Variants in CDKAL1 observed in about 807,000 individuals in gnomAD.
CDKAL1 encodes the protein threonylcarbamoyladenosine tRNA methylthiotransferase.
In CDKAL1, 32 loss-of-function variants were observed where a neutral mutation model predicts 68.2. The ratio of observed to expected loss-of-function variants is 0.47; its 90% CI spans 0.35 to 0.63. The LOEUF (loss-of-function observed/expected upper bound fraction) is 0.63. Among genes scored for constraint, CDKAL1 ranks in the 30% least tolerant of loss-of-function variants. CDKAL1 has a pLI of 0.00. For missense variants in CDKAL1, 606 were observed against 696.7 expected (o/e 0.87, Z 1.47); for synonymous variants, 234 against 244.3 (o/e 0.96, Z 0.39).
At chr6:21,152,125 T>C (rs998700756) in intron 13 of CDKAL1, among the ~76,000 whole-genome samples, 2 of 152,258 alleles carry the variant, frequency 1.3e-5, no homozygotes, top group South Asian at 2.1e-4. Context: ...CAAATAATTA[T>C]GTGCTTCATT....
intron 4 of CDKAL1, among the ~76,000 whole-genome samples, chr6:20,639,287 A>T (rs1373749556): frequency 3.9e-5 from 6 of 152,118 alleles, no homozygotes; most frequent in African/African-American, 1.4e-4. Flanking sequence ...TATATAAGTA[A>T]TCTCCGAGAA....
chr6:21,167,006 GT>G (rs1273870204), intron 13 of CDKAL1, among the ~76,000 whole-genome samples: 2 of 152,206 alleles, frequency 1.3e-5, no homozygotes, highest in African/African-American at 4.8e-5. Context: ...GGGAGCCTCA[GT>G]TTCCTTATCT....
At chr6:20,990,450 C>T (rs188246088) in intron 10 of CDKAL1, among the ~76,000 whole-genome samples, 10 of 152,230 alleles carry the variant, frequency 6.6e-5, no homozygotes, top group South Asian at 2.1e-4. Context: ...TTTCTGTGAA[C>T]GCTAATTACA....
chr6:20,862,668 CGTGCAT>C (rs1174355022), intron 9 of CDKAL1, among the ~76,000 whole-genome samples: 8 of 148,692 alleles, frequency 5.4e-5, no homozygotes, highest in Non-Finnish European at 8.9e-5. Context: ...TGTGTGCGCG[CGTGCAT>C]GCGCGCGTGC....
chr6:20,639,540 C>T (rs970778234), intron 4 of CDKAL1, among the ~76,000 whole-genome samples: 3 of 152,166 alleles, frequency 2.0e-5, no homozygotes, highest in African/African-American at 7.2e-5. Flanking sequence ...TCATGAATCA[C>T]TTTTATTCTT....
intron 9 of CDKAL1, among the ~76,000 whole-genome samples, chr6:20,874,718 G>A (rs1760408250): frequency 6.6e-6 from 1 of 151,836 alleles, no homozygotes; most frequent in Admixed American, 6.6e-5. Context: ...GGTCAGGCTG[G>A]TCTCGAACTC....
intron 11 of CDKAL1, among the ~76,000 whole-genome samples, chr6:21,047,372 C>A (rs902119151): frequency 6.6e-6 from 1 of 152,146 alleles, no homozygotes; most frequent in African/African-American, 2.4e-5. Context: ...ATTTACAAAG[C>A]CTTGTGAATC....
At chr6:21,094,161 A>G (rs1773201986) in intron 12 of CDKAL1, among the ~76,000 whole-genome samples, 1 of 152,192 alleles carries the variant, frequency 6.6e-6, no homozygotes, top group Non-Finnish European at 1.5e-5. Context: ...GGTAAGAAAT[A>G]TATACATAAA....
At chr6:20,718,598 T>C (rs1017805942) in intron 5 of CDKAL1, among the ~76,000 whole-genome samples, 1 of 152,208 alleles carries the variant, frequency 6.6e-6, no homozygotes, top group African/African-American at 2.4e-5. Context: ...TTCTTCTAAC[T>C]TTTTAAAACC....
intron 8 of CDKAL1, among the ~76,000 whole-genome samples, chr6:20,819,012 C>G (rs936130301): frequency 6.6e-6 from 1 of 152,002 alleles, no homozygotes; most frequent in African/African-American, 2.4e-5. Context: ...TAAAATAAAA[C>G]AATCATTTTG....
Position 21,113,829 on chromosome 6 carries a change from A to G in CDKAL1, c.1299+5366A>G, listed in dbSNP as rs1185250726. ...GTGCTGTGTGCCTGTAGTCCCAGGT[A>G]CTTGAGAGGCTGATGCAGGAGGATC... is the stretch of plus-strand genomic sequence containing the variant. On this transcript the variant is annotated intron_variant, in intron 13 of 15. Coordinates refer to ENST00000274695, the MANE Select transcript of CDKAL1 (RefSeq NM_017774.3). Among the ~76,000 whole-genome samples the G allele has an allele frequency of 4.0e-5, 6 of 151,884 alleles. No individual in the cohort carries two copies. The East Asian group carries it at 9.7e-4, about 25-fold the overall frequency.
intron 5 of CDKAL1, among the ~76,000 whole-genome samples, chr6:20,693,696 C>T (rs960157665): frequency 1.3e-5 from 2 of 152,156 alleles, no homozygotes; most frequent in African/African-American, 4.8e-5. Context: ...ATACTTTTGC[C>T]TTTCCTTGTC....
intron 12 of CDKAL1, among the ~76,000 whole-genome samples, chr6:21,069,214 G>C (rs1771619404): frequency 6.6e-6 from 1 of 151,948 alleles, no homozygotes; most frequent in Admixed American, 6.6e-5. Flanking sequence ...GAGTAGAATT[G>C]GGCATCTTTC....
intron 9 of CDKAL1, among the ~76,000 whole-genome samples, chr6:20,870,746 A>C (rs1561845732): frequency 6.6e-6 from 1 of 152,194 alleles, no homozygotes; most frequent in Non-Finnish European, 1.5e-5. Flanking sequence ...AAATAATTTA[A>C]CCTTTGAAAT....
At chr6:20,606,664 C>T (rs1766348031) in intron 4 of CDKAL1, among the ~76,000 whole-genome samples, 2 of 152,068 alleles carry the variant, frequency 1.3e-5, no homozygotes, top group African/African-American at 4.8e-5. Context: ...CATCTTAATG[C>T]GTGTTAGAAA....
intron 6 of CDKAL1, among the ~76,000 whole-genome samples, chr6:20,743,095 C>G (rs963286024): frequency 1.3e-5 from 2 of 152,078 alleles, no homozygotes; most frequent in African/African-American, 4.8e-5. Flanking sequence ...AAAGAGAAAA[C>G]AGTTCTGAAG....
chr6:21,090,804 T>C (rs1474611471), intron 12 of CDKAL1, among the ~76,000 whole-genome samples: 2 of 110,550 alleles, frequency 1.8e-5, no homozygotes, highest in Non-Finnish European at 3.7e-5. Flanking sequence ...TTTTCTTTTT[T>C]CTTTTTTTTT....
chr6:20,703,228 A>T (rs1771450367), intron 5 of CDKAL1, among the ~76,000 whole-genome samples: 2 of 152,192 alleles, frequency 1.3e-5, no homozygotes, highest in South Asian at 4.1e-4. Context: ...CTCAGGACAA[A>T]TCTAGCCTGT....
intron 7 of CDKAL1, among the ~76,000 whole-genome samples, chr6:20,778,093 AT>A (rs1775253115): frequency 1.3e-5 from 2 of 152,222 alleles, no homozygotes; most frequent in Non-Finnish European, 1.5e-5. Flanking sequence ...GAATATTCAT[AT>A]TAAAAAAAGA....
Sources: allele counts gnomAD v4.1 joint callset (sites outside exome capture counted in the v4.1 genomes callset), GRCh38; gene constraint gnomAD v4.1.1; transcripts MANE v1.5; gene names NCBI Gene and HGNC (gene_info 2026-07-23, HGNC 2026-07-21).